The following SLC25A48 variants were observed in gnomAD, a reference collection of about 807,000 sequenced individuals.
The protein encoded by SLC25A48 is solute carrier family 25 member 48.
A neutral mutation model predicts 32.2 loss-of-function variants in SLC25A48; 29 were observed. That is an observed-to-expected ratio of 0.90 (90% CI 0.67 to 1.23). The LOEUF is 1.23. SLC25A48 is among the 50% of genes most tolerant of loss of function. The pLI, the probability that SLC25A48 is intolerant of heterozygous loss-of-function variation, is 0.00. For missense variants in SLC25A48, 399 were observed against 422.7 expected (o/e 0.94, Z 0.49); for synonymous variants, 164 against 172.3 (o/e 0.95, Z 0.38).
At chr5:135,854,176 T>A (rs185092538) in intron 4 of SLC25A48, among the ~76,000 whole-genome samples, 1 of 152,332 alleles carries the variant, frequency 6.6e-6, no homozygotes, top group East Asian at 1.9e-4. Context: ...CAGAGCAGAT[T>A]GATTGTCATT....
intron 3 of SLC25A48, among the ~76,000 whole-genome samples, chr5:135,796,328 C>A (rs1198534185): frequency 6.6e-6 from 1 of 151,464 alleles, no homozygotes; most frequent in Non-Finnish European, 1.5e-5. Context: ...GGGGGGTGTG[C>A]ACCCCCCTGT....
intron 3 of SLC25A48, among the ~76,000 whole-genome samples, chr5:135,786,415 G>A (rs1756850327): frequency 6.6e-6 from 1 of 151,956 alleles, no homozygotes; most frequent in Non-Finnish European, 1.5e-5. Context: ...CGCCATGTGT[G>A]TATACTCTGT....
chr5:135,656,895 A>G (rs1753264486), intron 3 of SLC25A48, among the ~76,000 whole-genome samples: 2 of 152,288 alleles, frequency 1.3e-5, no homozygotes, highest in Middle Eastern at 6.8e-3. Context: ...AGACACCTTG[A>G]TCTTGAACTT....
At chr5:135,866,963 C>T (rs934820129) in intron 4 of SLC25A48, among the ~76,000 whole-genome samples, 4 of 152,098 alleles carry the variant, frequency 2.6e-5, no homozygotes, top group African/African-American at 9.7e-5. Context: ...AGGTAGTATG[C>T]CCTTGATCTA....
Position 135,871,692 on chromosome 5 carries a change from C to T in SLC25A48, c.653C>T (p.Ala218Val), listed in dbSNP as rs1291811650. Residue 218 changes from alanine to valine, a missense_variant, in exon 5 of 8, where the codon GCC (alanine) becomes GTC (valine). Coordinates refer to ENST00000681962, the MANE Select transcript of SLC25A48 (RefSeq NM_001349336.2). ...GCCTGCACAGGCCCCAGCCCCTGTG[C>T]CGTGTGGCTGGCGGGCGGCATGGCA... is the stretch of plus-strand genomic sequence containing the variant. ...PEACTGPSPC[A>V]VWLAGGMAGA... is the part of the protein sequence containing the mutation. 4 of 1,613,846 alleles carry T rather than the reference C, an allele frequency of 2.5e-6. No individual in the cohort carries two copies. The highest frequency in any genetic ancestry group is 3.4e-6 in the Non-Finnish European group (4 of 1,179,804).
intron 3 of SLC25A48, among the ~76,000 whole-genome samples, chr5:135,679,290 C>A (rs1253439851): frequency 6.6e-6 from 1 of 152,086 alleles, no homozygotes; most frequent in African/African-American, 2.4e-5. Flanking sequence ...AGGCTTACAA[C>A]AGAGGTAAAC....
chr5:135,580,832 A>G (rs1436699174), intron 1 of SLC25A48, among the ~76,000 whole-genome samples: 1 of 152,186 alleles, frequency 6.6e-6, no homozygotes, highest in Non-Finnish European at 1.5e-5. Context: ...TACACATGGG[A>G]TCAGGCTGCA....
chr5:135,853,156 A>G (rs1760033112), intron 4 of SLC25A48, among the ~76,000 whole-genome samples: 1 of 152,248 alleles, frequency 6.6e-6, no homozygotes, highest in Non-Finnish European at 1.5e-5. Flanking sequence ...ACTAAAAATT[A>G]TTGACAATTA....
chr5:135,846,481 C>T (rs1196581562), intron 2 of SLC25A48, among the ~76,000 whole-genome samples: 2 of 152,212 alleles, frequency 1.3e-5, no homozygotes, highest in East Asian at 3.9e-4. Flanking sequence ...ATGGCTTGCT[C>T]TGCCAGGTCA....
intron 3 of SLC25A48, among the ~76,000 whole-genome samples, chr5:135,707,950 C>CGATG (rs1025818474): frequency 2.0e-5 from 3 of 151,906 alleles, no homozygotes; most frequent in East Asian, 1.9e-4. Flanking sequence ...ATGGATGGAT[C>CGATG]GATGGATGGA....
intron 3 of SLC25A48, among the ~76,000 whole-genome samples, chr5:135,700,302 G>T (rs1300518828): frequency 5.3e-5 from 8 of 149,908 alleles, no homozygotes; most frequent in East Asian, 2.0e-4. Context: ...AACCCAGGAG[G>T]GGGAGGTTGC....
intron 3 of SLC25A48, among the ~76,000 whole-genome samples, chr5:135,689,974 G>A (rs1239957357): frequency 6.6e-6 from 1 of 152,174 alleles, no homozygotes; most frequent in South Asian, 2.1e-4. Context: ...TGGGTAAGGA[G>A]AGGAGCAAGG....
At chr5:135,779,053 C>T (rs890121210) in intron 3 of SLC25A48, among the ~76,000 whole-genome samples, 67 of 151,942 alleles carry the variant, frequency 4.4e-4, no homozygotes, top group African/African-American at 1.5e-3. Context: ...CTTCCAATAT[C>T]ACAGTAGGTG....
chr5:135,742,495 G>A, intron 3 of SLC25A48: 3 of 1,579,012 alleles, frequency 1.9e-6, no homozygotes, highest in South Asian at 1.2e-5. Flanking sequence ...GGGCAAGGTG[G>A]GCACTGAATG....
chr5:135,788,581 G>A (rs1756919620), intron 3 of SLC25A48, among the ~76,000 whole-genome samples: 1 of 150,262 alleles, frequency 6.7e-6, no homozygotes, highest in Non-Finnish European at 1.5e-5. Flanking sequence ...GGAGGGTGGT[G>A]TACACACCCC....
At chr5:135,795,398 G>T (rs116105142) in intron 3 of SLC25A48, among the ~76,000 whole-genome samples, 1,827 of 151,880 alleles carry the variant, frequency 0.012, 37 homozygotes, top group African/African-American at 0.041. Flanking sequence ...CAATAACGCA[G>T]GGGGTGTACA....
intron 3 of SLC25A48, among the ~76,000 whole-genome samples, chr5:135,710,251 T>C (rs1382050302): frequency 6.6e-6 from 1 of 152,224 alleles, no homozygotes; most frequent in Non-Finnish European, 1.5e-5. Context: ...GCAGTCTGTA[T>C]GTACTCATAG....
At chr5:135,886,814 T>C (rs1016417083) in intron 7 of SLC25A48, among the ~76,000 whole-genome samples, 2 of 150,696 alleles carry the variant, frequency 1.3e-5, no homozygotes, top group Non-Finnish European at 3.0e-5. Flanking sequence ...ATTTCTGTTG[T>C]CATGGTCAGG....
chr5:135,673,051 G>T (rs139163212), intron 3 of SLC25A48, among the ~76,000 whole-genome samples: 3 of 152,060 alleles, frequency 2.0e-5, no homozygotes, highest in African/African-American at 7.2e-5. Flanking sequence ...CCATGCTATT[G>T]CACATATCAA....
Sources: gnomAD v4.1 joint callset for allele counts (sites outside exome capture counted in the v4.1 genomes callset) on GRCh38, gnomAD v4.1.1 for gene constraint, MANE v1.5 for transcripts, NCBI Gene and HGNC (gene_info 2026-07-23, HGNC 2026-07-21) for gene names.